The following DDX52 variants were observed in gnomAD, a reference collection of about 807,000 sequenced individuals.
DDX52 encodes the protein probable ATP-dependent RNA helicase DDX52.
A neutral mutation model predicts 76.1 loss-of-function variants in DDX52; 59 were observed. That is an observed-to-expected ratio of 0.78 (90% CI 0.63 to 0.96). DDX52 has a LOEUF of 0.96. Among genes scored for constraint, DDX52 ranks in the 40% least tolerant of loss-of-function variants. The probability of loss-of-function intolerance (pLI) is 0.00; values close to 1 mark genes in which losing one functional copy is unlikely to be tolerated. For synonymous variants in DDX52, 231 were observed against 244.1 expected (o/e 0.95, Z 0.50); for missense variants, 707 against 703.9 (o/e 1.00, Z -0.05).
intron 2 of DDX52, chr17:37,635,655 G>A: frequency 2.2e-6 from 1 of 455,396 alleles, no homozygotes; most frequent in Admixed American, 2.4e-5. Flanking sequence ...AAGCAATGTT[G>A]CTATGAAAAT....
At chr17:37,615,682 AAAAC>A (rs1328128410) in intron 14 of DDX52, among the ~76,000 whole-genome samples, 3 of 152,042 alleles carry the variant, frequency 2.0e-5, no homozygotes, top group Admixed American at 6.6e-5. Flanking sequence ...CCTGTCTCAA[AAAAC>A]AAACAAAAAA....
chr17:37,640,885 G>A (rs2031162330), intron 2 of DDX52, among the ~76,000 whole-genome samples: 1 of 152,100 alleles, frequency 6.6e-6, no homozygotes, highest in Non-Finnish European at 1.5e-5. Context: ...TCAGGAGCCT[G>A]AGGCAGAAGA....
intron 6 of DDX52, among the ~76,000 whole-genome samples, chr17:37,627,434 A>G (rs1460375752): frequency 6.6e-6 from 1 of 151,958 alleles, no homozygotes; most frequent in East Asian, 1.9e-4. Context: ...TTTTGTAGAA[A>G]CAGGGTCTCC....
At chr17:37,631,928 A>G in intron 4 of DDX52, 185 bp downstream of exon 4, 1 of 660,634 alleles carries the variant, frequency 1.5e-6, no homozygotes, top group Non-Finnish European at 2.5e-6. Flanking sequence ...GAAGAAGATC[A>G]CATCTAGATG....
At chr17:37,618,200 A>G (rs1025610845) in intron 14 of DDX52, 92 bp downstream of exon 14, 3 of 927,944 alleles carry the variant, frequency 3.2e-6, no homozygotes, top group East Asian at 5.2e-5. Flanking sequence ...TGTAGTATCA[A>G]TTCTACTTCT....
chr17:37,625,754 G>C lies in DDX52; in HGVS notation c.1136+141C>G, dbSNP rs893882909. On this transcript the variant is annotated intron_variant, in intron 8 of 14. Transcript: ENST00000617633. ...AAATAGAAAATCCTTAAACAATCTT[G>C]GCTTAAAAGAACACATTTCAATCAG... 6 of 880,110 alleles carry C rather than the reference G, an allele frequency of 6.8e-6. No homozygotes were observed. In the East Asian group the frequency reaches 1.3e-4, roughly 19 times the overall value. The allele number at this position is 880,110 out of a possible 1,614,324, so 54.5% of individuals were successfully genotyped here.
At position 37,614,226 on chromosome 17, in the gene DDX52, T is replaced by C. The variant is rs2064399106; in HGVS notation, c.*70A>G. The C allele has an allele frequency of 6.7e-7, 1 of 1,488,322 alleles. No individual in the cohort carries two copies. Among genetic ancestry groups the C allele is most frequent in the African/African-American group, 1.4e-5 (1 of 71,592 alleles). 92.2% of individuals were successfully genotyped at this position (1,488,322 alleles called of 1,614,324 possible). A position where few individuals can be genotyped will look rare whatever the true frequency, so the allele number is the denominator to read the frequency against. On this transcript the variant is annotated 3_prime_UTR_variant, in exon 15 of 15. Transcript: ENST00000617633. ...CAGGTGACTGTAAGACTTCAAGTAT[T>C]CCATGAAAATAACATTCATGCTGGG...
rs117928396 is a variant in DDX52, at chr17:37,636,325, G to T, written c.287-2907C>A. On this transcript the variant is annotated intron_variant, in intron 2 of 14. Transcript: ENST00000617633. ...TCCCCATGGATCCAGTCCGTTTGTC[G>T]AAAAGACTTTCTTTTCCCCGCTGAA... is the stretch of plus-strand genomic sequence containing the variant. Among the ~76,000 whole-genome samples, 921 of 152,154 alleles carry T rather than the reference G, an allele frequency of 6.1e-3. 6 individuals carry two copies. Among genetic ancestry groups the T allele is most frequent in the Non-Finnish European group, 0.01 (681 of 68,004 alleles).
In DDX52 at chr17:37,620,912, A is replaced by C; in HGVS notation, c.1538T>G (p.Ile513Ser). 6.3e-7 allele frequency: 1 copy of C among 1,596,018 alleles called. No homozygotes were observed. Among genetic ancestry groups the C allele is most frequent in the Non-Finnish European group, 8.5e-7 (1 of 1,175,404 alleles). The change falls in exon 12 of 15, where the codon ATT becomes AGT. Residue 513 changes from isoleucine to serine, a missense_variant. Physicochemically the swap from Ile to Ser is moderately radical, Grantham distance 142 (BLOSUM62 -2). Coordinates refer to ENST00000617633, the MANE Select transcript of DDX52 (RefSeq NM_007010.5). ...CTTATCATCCTCAGTGAAAAATGTA[A>C]TTGCTTTTCCCTTATTCCCTGCTCT... ...TGRAGNKGKA[I>S]TFFTEDDKPL...
intron 9 of DDX52, among the ~76,000 whole-genome samples, chr17:37,622,807 A>T (rs1319422664): frequency 6.6e-6 from 1 of 152,180 alleles, no homozygotes; most frequent in African/African-American, 2.4e-5. Flanking sequence ...CCTAGTACCA[A>T]ATGATTCTCT....
rs1392164660 is a variant in DDX52, at chr17:37,612,974, CAGT to C, written c.*1319_*1321del. On this transcript the variant is annotated 3_prime_UTR_variant, in exon 15 of 15. Transcript: ENST00000617633. ...TTGTAAGTATTTTTACACCCTGTACCAGTAGATCTTTCTTTAAATAAATTCCGA... is the reference window on the plus strand; with the variant it reads ...TTGTAAGTATTTTTACACCCTGTACCAGATCTTTCTTTAAATAAATTCCGA... The C allele has an allele frequency of 6.6e-6, 1 of 152,128 alleles. No homozygotes were observed. The highest frequency in any genetic ancestry group is 1.5e-5 in the Non-Finnish European group (1 of 68,014). 9.4% of individuals were successfully genotyped at this position (152,128 alleles called of 1,614,324 possible).
chr17:37,622,071 T>C (rs1184997288), intron 9 of DDX52, among the ~76,000 whole-genome samples: 1 of 152,094 alleles, frequency 6.6e-6, no homozygotes, highest in African/African-American at 2.4e-5. Context: ...ATCCTAACTC[T>C]GGTGCTCTCC....
intron 14 of DDX52, among the ~76,000 whole-genome samples, chr17:37,615,690 CAAAA>C (rs1213235808): frequency 6.6e-6 from 1 of 151,842 alleles, no homozygotes; most frequent in Non-Finnish European, 1.5e-5. Context: ...AAAAAACAAA[CAAAA>C]AACCCCAGAA....
chr17:37,621,343 A>T, intron 10 of DDX52, 55 bp downstream of exon 10: 2 of 1,595,274 alleles, frequency 1.3e-6, no homozygotes, highest in African/African-American at 2.7e-5. Context: ...ATTTAATGTC[A>T]ATAGTTTAAA....
chr17:37,635,244 C>A (rs1326930494), intron 2 of DDX52, among the ~76,000 whole-genome samples: 2 of 152,040 alleles, frequency 1.3e-5, no homozygotes, highest in Non-Finnish European at 2.9e-5. Flanking sequence ...TAAATATATA[C>A]AATAATCTGC....
intron 12 of DDX52, 22 bp from the exon 13 acceptor site, chr17:37,619,861 A>G (rs2147339196): frequency 1.9e-6 from 3 of 1,609,164 alleles, no homozygotes; most frequent in East Asian, 4.5e-5. Flanking sequence ...ACCCATAAAC[A>G]TAAACTTGTA....
Position 37,624,451 on chromosome 17 carries a change from C to G in DDX52, c.1137-17G>C, listed in dbSNP as rs1437768072. 1.9e-6 allele frequency: 3 copies of G among 1,559,314 alleles called. No homozygotes were observed. In the African/African-American group the frequency reaches 4.1e-5, roughly 21 times the overall value. On this transcript the variant is annotated splice_polypyrimidine_tract_variant and intron_variant, in intron 8 of 14. Coordinates refer to ENST00000617633, the MANE Select transcript of DDX52 (RefSeq NM_007010.5). ...GCAGAATTCCTGGGAAGAAAATATA[C>G]CTTGTAGTTTGTAAGAGTTAATTTT... is the stretch of plus-strand genomic sequence containing the variant.
At position 37,613,035 on chromosome 17, in the gene DDX52, C is replaced by CA. The variant is rs1221178113; in HGVS notation, c.*1260dup. ...CAATTTTTGTCCCATCTAAAATATT[C>CA]AAAGCAAAGTCCACCTGTTCTGACT... On this transcript the variant is annotated 3_prime_UTR_variant, in exon 15 of 15. Transcript: ENST00000617633. The CA allele has an allele frequency of 6.6e-6, 1 of 152,104 alleles. No individual in the cohort carries two copies. Among genetic ancestry groups the CA allele is most frequent in the African/African-American group, 2.4e-5 (1 of 41,414 alleles). The allele number at this position is 152,104 out of a possible 1,614,324, so 9.4% of individuals were successfully genotyped here.
chr17:37,638,770 CTTTT>C (rs920881727), intron 2 of DDX52, among the ~76,000 whole-genome samples: 3 of 114,812 alleles, frequency 2.6e-5, no homozygotes, highest in Admixed American at 9.1e-5. Flanking sequence ...TGTTTTTTTT[CTTTT>C]TTTTTTTTTT....
Sources: allele counts gnomAD v4.1 joint callset (sites outside exome capture counted in the v4.1 genomes callset), GRCh38; gene constraint gnomAD v4.1.1; transcripts MANE v1.5; gene names NCBI Gene and HGNC (gene_info 2026-07-23, HGNC 2026-07-21).